Variants in FRMPD4 observed in about 807,000 individuals in gnomAD.
The protein encoded by FRMPD4 is FERM and PDZ domain containing 4.
A neutral mutation model predicts 94.1 loss-of-function variants in FRMPD4; 22 were observed. The ratio of observed to expected loss-of-function variants is 0.23; its 90% CI spans 0.17 to 0.33. The LOEUF is 0.33. Ranked by LOEUF, FRMPD4 falls within the 10% of genes least tolerant of loss-of-function variation. The pLI is 1.00. For missense variants in FRMPD4, 1,111 were observed against 1,339.9 expected (o/e 0.83, Z 2.67); for synonymous variants, 631 against 548.6 (o/e 1.15, Z -2.10).
intron 2 of FRMPD4, among the ~76,000 whole-genome samples, chrX:12,536,576 T>C (rs1246808627): frequency 8.9e-6 from 1 of 111,885 alleles, no homozygotes; most frequent in African/African-American, 3.2e-5. Context: ...GCTGCAAATA[T>C]TAATAATATG....
At chrX:12,029,179 A>G (rs900925106) in intron 3 of FRMPD4, among the ~76,000 whole-genome samples, 1 of 112,045 alleles carries the variant, frequency 8.9e-6, no homozygotes, top group Admixed American at 9.5e-5. Flanking sequence ...TCAGTCTAAT[A>G]GGTGTGTGGT....
intron 1 of FRMPD4, among the ~76,000 whole-genome samples, chrX:12,217,984 A>T (rs1485152252): frequency 2.7e-5 from 3 of 112,193 alleles, no homozygotes; most frequent in Non-Finnish European, 5.6e-5. Context: ...ACACTGAATT[A>T]TGTAGCTAGT....
chrX:12,135,306 C>T (rs1314064359), upstream of FRMPD4, among the ~76,000 whole-genome samples: 1 of 109,994 alleles, frequency 9.1e-6, no homozygotes, highest in African/African-American at 3.3e-5. Context: ...ATCCTAACCT[C>T]TGCAGCACAC....
At chrX:12,474,740 A>G (rs927880359) in intron 1 of FRMPD4, among the ~76,000 whole-genome samples, 2 of 111,351 alleles carry the variant, frequency 1.8e-5, no homozygotes, top group African/African-American at 6.5e-5. Context: ...CGACACATAC[A>G]CCCTCCCAAG....
intron 1 of FRMPD4, among the ~76,000 whole-genome samples, chrX:12,337,288 A>C (rs761987442): frequency 8.9e-6 from 1 of 112,128 alleles, no homozygotes; most frequent in Admixed American, 9.5e-5. Flanking sequence ...TGCAAAAATT[A>C]AGTAAAAAAA....
At chrX:12,291,656 C>G (rs1490978314) in intron 1 of FRMPD4, among the ~76,000 whole-genome samples, 1 of 111,816 alleles carries the variant, frequency 8.9e-6, no homozygotes, top group Non-Finnish European at 1.9e-5. Flanking sequence ...TCAGTGGTAG[C>G]AGAGTTCACC....
intron 4 of FRMPD4, among the ~76,000 whole-genome samples, chrX:12,649,778 A>G (rs1440926667): frequency 3.6e-5 from 4 of 112,665 alleles, no homozygotes; most frequent in Non-Finnish European, 5.6e-5. Context: ...TCTTCTGACA[A>G]TGTCCTGGTT....
intron 2 of FRMPD4, among the ~76,000 whole-genome samples, chrX:12,522,594 CTTTTTT>C (rs373581040): frequency 0.24 from 17,197 of 72,861 alleles, 986 homozygotes; most frequent in Middle Eastern, 0.42. Flanking sequence ...TTTTCTTTTC[CTTTTTT>C]TTTTTTTTTT....
At chrX:12,320,175 T>A (rs2055186419) in intron 1 of FRMPD4, among the ~76,000 whole-genome samples, 1 of 111,928 alleles carries the variant, frequency 8.9e-6, no homozygotes, top group African/African-American at 3.3e-5. Flanking sequence ...GCAGTTTACA[T>A]CCTATAAAAT....
rs140468530 is a variant in FRMPD4 at position 12,570,295 on chromosome X, ATTTATTTTATTTTAT to A, written c.159-39407_159-39393del. ...ACTCCACTCTCTGAACTTTACATAT[ATTTATTTTATTTTAT>A]TTTATTTTATTTTATTTTTCTGAGA... On this transcript the variant is annotated intron_variant, in intron 2 of 16. Coordinates refer to ENST00000675598, the MANE Select transcript of FRMPD4 (RefSeq NM_001368397.1). Among the ~76,000 whole-genome samples the A allele has an allele frequency of 4.2e-3, 429 of 102,338 alleles. 2 individuals carry two copies. The highest frequency in any genetic ancestry group is 0.015 in the African/African-American group (407 of 27,463). The allele number at this position is 102,338 out of a possible 115,157, so 88.9% of individuals were successfully genotyped here.
intron 1 of FRMPD4, among the ~76,000 whole-genome samples, chrX:12,239,894 G>A (rs1171459812): frequency 9.0e-6 from 1 of 111,660 alleles, no homozygotes; most frequent in African/African-American, 3.3e-5. Flanking sequence ...CATGAAAGCT[G>A]AACACTCATG....
intron 3 of FRMPD4, among the ~76,000 whole-genome samples, chrX:12,015,425 T>C (rs2054600160): frequency 8.9e-6 from 1 of 111,890 alleles, no homozygotes; most frequent in Non-Finnish European, 1.9e-5. Flanking sequence ...CATTGCCTCA[T>C]TGGATGCTTT....
chrX:11,928,276 G>T (rs2054100855), intron 3 of FRMPD4, among the ~76,000 whole-genome samples: 1 of 112,152 alleles, frequency 8.9e-6, no homozygotes, highest in Non-Finnish European at 1.9e-5. Context: ...AAGGAAAGAG[G>T]TTGACTCACA....
chrX:11,935,269 G>GTTTTTTTTTTT lies in FRMPD4; in HGVS notation c.95+57268_95+57278dup, dbSNP rs1234166611. 3.8e-3 allele frequency among the ~76,000 whole-genome samples: 19 copies of GTTTTTTTTTTT among 5,011 alleles called. 6 individuals are homozygous for GTTTTTTTTTTT. The highest frequency in any genetic ancestry group is 5.4e-3 in the Non-Finnish European group (16 of 2,948). 4.4% of individuals were successfully genotyped at this position (5,011 alleles called of 115,157 possible). A position where few individuals can be genotyped will look rare whatever the true frequency, so the allele number is the denominator to read the frequency against. On this transcript the variant is annotated intron_variant, in intron 3 of 18. Transcript: ENST00000640291. ...TTGTTGTTTTTTTTTTTTTTAATGTGTTTTTTTTTTTTTTTTTTTTTTTTT... is the reference window on the plus strand; with the variant it reads ...TTGTTGTTTTTTTTTTTTTTAATGTGTTTTTTTTTTTTTTTTTTTTTTTTTTTTTTTTTTTT...
chrX:11,944,132 C>T, intron 3 of FRMPD4, among the ~76,000 whole-genome samples: 1 of 112,463 alleles, frequency 8.9e-6, no homozygotes, highest in East Asian at 2.8e-4. Flanking sequence ...GATCCATCTC[C>T]TTTCCAACTT....
chrX:12,344,205 AAC>A (rs992992261), intron 1 of FRMPD4, among the ~76,000 whole-genome samples: 2 of 111,699 alleles, frequency 1.8e-5, no homozygotes, highest in African/African-American at 6.5e-5. Context: ...AAAGCACACA[AAC>A]ACAACACCAG....
intron 3 of FRMPD4, among the ~76,000 whole-genome samples, chrX:11,880,844 T>C (rs963714876): frequency 3.6e-5 from 4 of 111,482 alleles, no homozygotes; most frequent in African/African-American, 1.3e-4. Context: ...GGTTTCACCA[T>C]GTTGGCCAGG....
chrX:12,332,761 AT>A (rs1248469833), intron 1 of FRMPD4, among the ~76,000 whole-genome samples: 1 of 111,777 alleles, frequency 8.9e-6, no homozygotes, highest in African/African-American at 3.2e-5. Flanking sequence ...TAGCAACGTA[AT>A]TTAACGTTTT....
intron 1 of FRMPD4, among the ~76,000 whole-genome samples, chrX:12,308,289 C>T (rs1471299906): frequency 8.9e-6 from 1 of 111,923 alleles, no homozygotes; most frequent in Non-Finnish European, 1.9e-5. Context: ...ACATAGAAAC[C>T]ATCCTATATC....
Sources: gnomAD v4.1 joint callset for allele counts (sites outside exome capture counted in the v4.1 genomes callset) on GRCh38, gnomAD v4.1.1 for gene constraint, MANE v1.5 for transcripts, NCBI Gene and HGNC (gene_info 2026-07-23, HGNC 2026-07-21) for gene names.